The following ZNF385D variants were observed in gnomAD, a reference collection of about 807,000 sequenced individuals.
The protein encoded by ZNF385D is zinc finger protein 659.
A neutral mutation model predicts 35.8 loss-of-function variants in ZNF385D; 15 were observed. That is an observed-to-expected ratio of 0.42 (90% CI 0.28 to 0.64). The LOEUF (loss-of-function observed/expected upper bound fraction) is 0.64. Among genes scored for constraint, ZNF385D ranks in the 30% least tolerant of loss-of-function variants. ZNF385D has a pLI of 0.23. For synonymous variants in ZNF385D, 212 were observed against 186.8 expected (o/e 1.13, Z -1.10); for missense variants, 474 against 494.6 (o/e 0.96, Z 0.39).
At chr3:21,728,313 A>ATAT (rs397948983) in intron 1 of ZNF385D, among the ~76,000 whole-genome samples, 1 of 147,630 alleles carries the variant, frequency 6.8e-6, no homozygotes, top group African/African-American at 2.5e-5. Context: ...AATAATAATA[A>ATAT]AAGCAGACGT....
At chr3:21,703,042 T>C (rs944529911) in intron 1 of ZNF385D, among the ~76,000 whole-genome samples, 3 of 152,174 alleles carry the variant, frequency 2.0e-5, no homozygotes, top group African/African-American at 7.2e-5. Context: ...CATTTTTGGG[T>C]ATATTTTCAG....
chr3:21,927,215 G>C lies in ZNF385D; in HGVS notation c.325+241602C>G, dbSNP rs1044600038. ...AAGCTCCCTGAAGTCCTCACCAGAA[G>C]CAAGTGTTGGTACCATGCTTCTTGT... is the stretch of plus-strand genomic sequence containing the variant. On this transcript the variant is annotated intron_variant, in intron 3 of 5. Transcript: ENST00000494108. 2.0e-5 allele frequency among the ~76,000 whole-genome samples: 3 copies of C among 152,056 alleles called. No individual in the cohort carries two copies. The South Asian group carries it at 6.2e-4, about 31-fold the overall frequency.
chr3:22,056,515 G>A (rs1297842291), intron 3 of ZNF385D, among the ~76,000 whole-genome samples: 1 of 152,104 alleles, frequency 6.6e-6, no homozygotes, highest in Non-Finnish European at 1.5e-5. Flanking sequence ...CCGTTATAGG[G>A]TGTACATCTT....
At chr3:22,236,223 A>G (rs1395678427) in intron 2 of ZNF385D, among the ~76,000 whole-genome samples, 1 of 152,206 alleles carries the variant, frequency 6.6e-6, no homozygotes, top group African/African-American at 2.4e-5. Flanking sequence ...TGTATATTTT[A>G]TGTATACGTG....
chr3:21,569,095 G>A (rs1053765467), intron 2 of ZNF385D, among the ~76,000 whole-genome samples: 6 of 152,282 alleles, frequency 3.9e-5, no homozygotes, highest in African/African-American at 1.4e-4. Context: ...GTGCAGAGCT[G>A]AGTTCAATTC....
chr3:21,658,430 A>G (rs1233696355), intron 2 of ZNF385D, among the ~76,000 whole-genome samples: 1 of 152,060 alleles, frequency 6.6e-6, no homozygotes. Flanking sequence ...TATCTAATGC[A>G]TAAAACAGTG....
intron 2 of ZNF385D, among the ~76,000 whole-genome samples, chr3:22,372,047 T>C (rs1426985799): frequency 6.6e-6 from 1 of 151,974 alleles, no homozygotes; most frequent in Non-Finnish European, 1.5e-5. Flanking sequence ...ACACACCCAA[T>C]GAAAGACAGA....
chr3:22,325,772 C>CA (rs902455316), intron 2 of ZNF385D, among the ~76,000 whole-genome samples: 12 of 151,790 alleles, frequency 7.9e-5, no homozygotes, highest in African/African-American at 2.2e-4. Context: ...AAACAAAAAA[C>CA]AAAAAAACAG....
intron 4 of ZNF385D, among the ~76,000 whole-genome samples, chr3:21,440,500 A>AGT (rs1340023546): frequency 3.9e-5 from 6 of 152,174 alleles, no homozygotes; most frequent in Non-Finnish European, 8.8e-5. Context: ...ATGAGAAATC[A>AGT]GTGTAACATG....
chr3:21,665,728 C>A (rs1443618687), intron 1 of ZNF385D, among the ~76,000 whole-genome samples: 1 of 152,116 alleles, frequency 6.6e-6, no homozygotes, highest in Non-Finnish European at 1.5e-5. Context: ...CAAAGACATC[C>A]CCTTTGCATG....
intron 2 of ZNF385D, among the ~76,000 whole-genome samples, chr3:22,179,061 G>A (rs376149605): frequency 3.0e-4 from 45 of 152,164 alleles, no homozygotes; most frequent in African/African-American, 8.4e-4. Context: ...TTGACTTGGC[G>A]ATGTGGGCTC....
chr3:22,371,665 C>T (rs2125236656), intron 2 of ZNF385D, among the ~76,000 whole-genome samples: 1 of 152,236 alleles, frequency 6.6e-6, no homozygotes, highest in South Asian at 2.1e-4. Flanking sequence ...TAAAACATCT[C>T]CCAAAATGCA....
chr3:22,193,836 T>G (rs904885634), intron 2 of ZNF385D, among the ~76,000 whole-genome samples: 16 of 151,988 alleles, frequency 1.1e-4, no homozygotes, highest in African/African-American at 3.9e-4. Context: ...CAACTTAAGT[T>G]TTTCATCTAT....
chr3:22,198,085 G>T (rs910541714), intron 2 of ZNF385D, among the ~76,000 whole-genome samples: 1 of 151,946 alleles, frequency 6.6e-6, no homozygotes, highest in African/African-American at 2.4e-5. Context: ...GAAAATAAAA[G>T]GTTTAATAAT....
rs145838316 is a variant in ZNF385D, at chr3:22,137,054, T to C, written c.325+31763A>G. On this transcript the variant is annotated intron_variant, in intron 3 of 5. Transcript: ENST00000494108. Reference sequence around the variant, plus strand: ...GCCCATAGAATGTATAACACAAGGATTGAGCCCCAGTGCCAACTACGGACA... The same window carrying C: ...GCCCATAGAATGTATAACACAAGGACTGAGCCCCAGTGCCAACTACGGACA... Among the ~76,000 whole-genome samples, 167 of 152,290 alleles carry C rather than the reference T, an allele frequency of 1.1e-3. 2 individuals are homozygous for C. Among genetic ancestry groups the C allele is most frequent in the African/African-American group, 4.0e-3 (165 of 41,574 alleles).
intron 2 of ZNF385D, among the ~76,000 whole-genome samples, chr3:22,329,219 C>A (rs1694822781): frequency 6.6e-6 from 1 of 152,022 alleles, no homozygotes; most frequent in Non-Finnish European, 1.5e-5. Context: ...TAGTGATGAT[C>A]TACAGATGGT....
At chr3:21,752,942 C>T (rs1388957335), upstream of ZNF385D, among the ~76,000 whole-genome samples, 2 of 152,070 alleles carry the variant, frequency 1.3e-5, no homozygotes, top group African/African-American at 4.8e-5. Flanking sequence ...GCCTTGACCT[C>T]CTACATGTGC....
Position 22,293,201 on chromosome 3 carries a change from G to A in ZNF385D, c.106+79249C>T, listed in dbSNP as rs543420775. Among the ~76,000 whole-genome samples the A allele has an allele frequency of 1.8e-4, 28 of 152,162 alleles. No individual in the cohort carries two copies. The South Asian group carries it at 5.6e-3, about 30-fold the overall frequency. ...TAGTTATTATATTATTCATTTGCAT[G>A]TGTCATAATAATTTCATTACTTTGG... is the stretch of plus-strand genomic sequence containing the variant. On this transcript the variant is annotated intron_variant, in intron 2 of 5. Coordinates refer to the ZNF385D transcript ENST00000494108.
chr3:21,820,462 G>T (rs1171037405), intron 3 of ZNF385D, among the ~76,000 whole-genome samples: 1 of 151,700 alleles, frequency 6.6e-6, no homozygotes, highest in Non-Finnish European at 1.5e-5. Flanking sequence ...AACAAAATCA[G>T]ATCCGAGAGG....
Sources: gnomAD v4.1 joint callset for allele counts (sites outside exome capture counted in the v4.1 genomes callset) on GRCh38, gnomAD v4.1.1 for gene constraint, MANE v1.5 for transcripts, NCBI Gene and HGNC (gene_info 2026-07-23, HGNC 2026-07-21) for gene names.